The following LARP7 variants were observed in gnomAD, a reference collection of about 807,000 sequenced individuals.
LARP7 encodes la-related protein 7.
LARP7 carries 52 observed loss-of-function variants against 69.3 expected under a neutral mutation model. That is an observed-to-expected ratio of 0.75 (90% CI 0.60 to 0.95). LARP7 has a LOEUF of 0.95. LARP7 is among the 40% of genes least tolerant of loss of function. The pLI, the probability that LARP7 is intolerant of heterozygous loss-of-function variation, is 0.00. For synonymous variants in LARP7, 254 were observed against 215.9 expected (o/e 1.18, Z -1.55); for missense variants, 733 against 673.0 (o/e 1.09, Z -0.99).
At chr4:112,647,930 C>A in intron 8 of LARP7, 96 bp downstream of exon 8, 1 of 921,734 alleles carries the variant, frequency 1.1e-6, no homozygotes, top group Non-Finnish European at 1.8e-6. Context: ...TGCATATTAG[C>A]AACAGTAATG....
At chr4:112,652,201 A>G (rs943628329) in intron 10 of LARP7, among the ~76,000 whole-genome samples, 1 of 152,030 alleles carries the variant, frequency 6.6e-6, no homozygotes, top group Non-Finnish European at 1.5e-5. Context: ...CCGTAATTCA[A>G]ACATCTAAAA....
chr4:112,656,533 A>G (rs1396521589), intron 12 of LARP7, among the ~76,000 whole-genome samples: 1 of 152,256 alleles, frequency 6.6e-6, no homozygotes, highest in African/African-American at 2.4e-5. Context: ...AAATCTTTGT[A>G]GTATGCCCTA....
At chr4:112,637,351 C>T (rs187473450) in intron 1 of LARP7, 112 bp downstream of exon 1, 2 of 152,470 alleles carry the variant, frequency 1.3e-5, no homozygotes, top group African/African-American at 4.8e-5. Flanking sequence ...ACCCCGCCCC[C>T]CCGTCCTGCA....
Position 112,649,703 on chromosome 4 carries a change from G to C in LARP7, c.1294+17G>C. 1 of 1,551,260 alleles carries C rather than the reference G, an allele frequency of 6.4e-7. No individual in the cohort carries two copies. Among genetic ancestry groups the C allele is most frequent in the Non-Finnish European group, 8.8e-7 (1 of 1,140,558 alleles). On this transcript the variant is annotated intron_variant, in intron 9 of 12. Transcript: ENST00000344442. ...ATGAAAAAAGTAAAGATCACTGATA[G>C]TTTTGACAACATTATAATGTACTTA... is the stretch of plus-strand genomic sequence containing the variant.
chr4:112,643,979 A>G (rs1169035160), intron 1 of LARP7, among the ~76,000 whole-genome samples: 5 of 152,110 alleles, frequency 3.3e-5, no homozygotes, highest in African/African-American at 1.2e-4. Flanking sequence ...GCGGCGGCTC[A>G]TGTCTGTAAT....
At chr4:112,654,298 G>T in intron 12 of LARP7, 139 bp downstream of exon 12, 1 of 527,026 alleles carries the variant, frequency 1.9e-6, no homozygotes, top group South Asian at 3.1e-5. Flanking sequence ...TATGTTTTAG[G>T]TTGGGAGGGA....
intron 10 of LARP7, among the ~76,000 whole-genome samples, chr4:112,651,932 T>C (rs1324673492): frequency 6.6e-6 from 1 of 151,934 alleles, no homozygotes; most frequent in Non-Finnish European, 1.5e-5. Context: ...TTGCTTTATA[T>C]CTAAATTTGG....
At chr4:112,645,238 C>T (rs1276082903) in intron 2 of LARP7, among the ~76,000 whole-genome samples, 1 of 152,118 alleles carries the variant, frequency 6.6e-6, no homozygotes, top group South Asian at 2.1e-4. Flanking sequence ...AGCCACTACA[C>T]CCAGCCTAAA....
intron 2 of LARP7, 33 bp from the exon 3 acceptor site, chr4:112,646,318 A>G (rs2048233976): frequency 9.3e-7 from 1 of 1,069,970 alleles, no homozygotes; most frequent in African/African-American, 1.6e-5. Flanking sequence ...TCCTGCTGAT[A>G]CACTAACATA....
rs532966854 is a variant in LARP7 at position 112,647,613 on chromosome 4, T to C, written c.997+64T>C. 1.6e-3 allele frequency: 2,310 copies of C among 1,470,912 alleles called. 6 individuals carry two copies. The highest frequency in any genetic ancestry group is 1.9e-3 in the Non-Finnish European group (2,135 of 1,106,372). The allele number at this position is 1,470,912 out of a possible 1,614,324, so 91.1% of individuals were successfully genotyped here. The stretch of plus-strand genomic sequence containing the variant: ...TTTTAATTAATTAGTTTTTAATTAA[T>C]TAGGTTTTAATTGGCTTCTGTTTCA... On this transcript the variant is annotated intron_variant, in intron 7 of 12. Coordinates refer to ENST00000344442, the MANE Select transcript of LARP7 (RefSeq NM_016648.4).
At chr4:112,649,786 G>T in intron 9 of LARP7, 100 bp downstream of exon 9, 1 of 729,810 alleles carries the variant, frequency 1.4e-6, no homozygotes. Flanking sequence ...TAAAAAACTT[G>T]ATTATTCTAT....
Position 112,644,381 on chromosome 4 carries a change from T to C in LARP7, c.-2-287T>C, listed in dbSNP as rs986295985. The C allele has an allele frequency of 7.6e-5, 47 of 614,978 alleles. No individual in the cohort carries two copies. In the African/African-American group the frequency reaches 7.9e-4, roughly 10 times the overall value. 38.1% of individuals were successfully genotyped at this position (614,978 alleles called of 1,614,324 possible). The stretch of plus-strand genomic sequence containing the variant: ...CACTTTTCACTTACTGACTTAAAAG[T>C]GCAGCTTAGTGAGATAAAGGTGTAA... On this transcript the variant is annotated intron_variant, in intron 1 of 12. Coordinates refer to ENST00000344442, the MANE Select transcript of LARP7 (RefSeq NM_016648.4).
At chr4:112,647,001 G>A in intron 5 of LARP7, 33 bp from the exon 6 acceptor site, 1 of 1,580,994 alleles carries the variant, frequency 6.3e-7, no homozygotes, top group Non-Finnish European at 8.6e-7. Context: ...AAGAAAACAA[G>A]TATTAAAATA....
intron 2 of LARP7, chr4:112,645,536 A>G (rs763012267): frequency 9.2e-5 from 42 of 456,006 alleles, no homozygotes; most frequent in Non-Finnish European, 1.8e-5. Flanking sequence ...GGCAAGGTCT[A>G]TCTTTTTTCC....
At chr4:112,649,300 A>T (rs1237202115) in intron 8 of LARP7, among the ~76,000 whole-genome samples, 1 of 152,196 alleles carries the variant, frequency 6.6e-6, no homozygotes, top group Admixed American at 6.6e-5. Flanking sequence ...CAGACACTCA[A>T]AAATTTAATT....
At chr4:112,648,665 A>T in intron 8 of LARP7, 1 of 392,774 alleles carries the variant, frequency 2.5e-6, no homozygotes, top group South Asian at 1.9e-5. Context: ...TTCCTGAACT[A>T]GTTCCCAAAG....
chr4:112,649,821 T>A (rs1328626174), intron 9 of LARP7, 135 bp downstream of exon 9: 1 of 582,210 alleles, frequency 1.7e-6, no homozygotes, highest in Non-Finnish European at 2.8e-6. Context: ...AATTCTTGAT[T>A]TGTTAAGTTA....
chr4:112,653,356 C>CT, intron 11 of LARP7, 120 bp downstream of exon 11: 1 of 725,646 alleles, frequency 1.4e-6, no homozygotes, highest in Non-Finnish European at 2.1e-6. Context: ...GTCGCTCAGG[C>CT]TGGAGTACAG....
chr4:112,637,338 C>T (rs949941002), intron 1 of LARP7, 99 bp downstream of exon 1: 1 of 152,446 alleles, frequency 6.6e-6, no homozygotes. Context: ...TATCGTCCTT[C>T]TTACCCCGCC....
Sources: allele counts gnomAD v4.1 joint callset (sites outside exome capture counted in the v4.1 genomes callset), GRCh38; gene constraint gnomAD v4.1.1; transcripts MANE v1.5; gene names NCBI Gene and HGNC (gene_info 2026-07-23, HGNC 2026-07-21).